ZYX: variants seen among roughly 807,000 people sequenced by gnomAD.
ZYX encodes the protein zyxin-2.
In ZYX, 37 loss-of-function variants were observed where a neutral mutation model predicts 58.1. That is an observed-to-expected ratio of 0.64 (90% confidence interval 0.49 to 0.84). The LOEUF (loss-of-function observed/expected upper bound fraction) is 0.84, where lower values mean the gene tolerates loss of function less well. ZYX is among the 40% of genes least tolerant of loss of function. The pLI is 0.00. For missense variants in ZYX, 762 were observed against 761.6 expected, an observed-to-expected ratio of 1.00 and a Z score of -0.01; for synonymous variants, 324 against 321.1, an observed-to-expected ratio of 1.01 and a Z score of -0.10.
At position 143,390,545 on chromosome 7, in the gene ZYX, G is replaced by A. The variant is rs201334859; in HGVS notation, c.1615-33G>A. The A allele has an allele frequency of 7.8e-5, 116 of 1,494,312 alleles. 1 individual carries two copies. In the African/African-American group the frequency reaches 1.1e-3, roughly 14 times the overall value. The allele number at this position is 1,494,312 out of a possible 1,614,324, so 92.6% of individuals were successfully genotyped here. On this transcript the variant is annotated intron_variant, in intron 9 of 9. Transcript: ENST00000322764. This position sits in a 1 kb window ranked among gnomAD's most constrained non-coding sequence, Gnocchi z 4.3. ...GGGTGGAGCAGAGCAGGGGCCTTCC[G>A]GTCCAGTGCCCCTCACCCTTCCTTC...
At chr7:143,386,387 G>C (rs1045315838) in intron 5 of ZYX, among the ~76,000 whole-genome samples, 6 of 152,062 alleles carry the variant, frequency 3.9e-5, no homozygotes, top group Non-Finnish European at 7.4e-5. Context: ...TGGGAGGTGA[G>C]GTCACGGTGC....
Position 143,390,955 on chromosome 7 carries a change from C to T in ZYX, c.*273C>T. 1 of 477,726 alleles carries T rather than the reference C, an allele frequency of 2.1e-6. No homozygotes were observed. Among genetic ancestry groups the T allele is most frequent in the Non-Finnish European group, 3.8e-6 (1 of 262,338 alleles). 29.6% of individuals were successfully genotyped at this position (477,726 alleles called of 1,614,324 possible). A position where few individuals can be genotyped will look rare whatever the true frequency, so the allele number is the denominator to read the frequency against. ...GGGGGCACCAGGTTTAGTGCTGCTGCTTTCACTGCTGCACCCGCGCCCTCG... is the reference window on the plus strand; with the variant it reads ...GGGGGCACCAGGTTTAGTGCTGCTGTTTTCACTGCTGCACCCGCGCCCTCG... On this transcript the variant is annotated 3_prime_UTR_variant, in exon 10 of 10. Coordinates refer to ENST00000322764, the MANE Select transcript of ZYX (RefSeq NM_003461.5). The surrounding 1 kb of genome is among the most constrained non-coding windows in gnomAD (Gnocchi z 4.3).
At position 143,381,746 on chromosome 7, in the gene ZYX, C is replaced by T. The variant is rs771207464; in HGVS notation, c.175C>T (p.Arg59Trp). The T allele has an allele frequency of 4.4e-6, 7 of 1,588,834 alleles. No individual in the cohort carries two copies. The highest frequency in any genetic ancestry group is 6.0e-6 in the Non-Finnish European group (7 of 1,167,786). ...APGAQRAQMG[R>W]VGEIPPPPPE... is the part of the protein sequence containing the mutation. ...CGGGGCCCAGCGCGCACAGATGGGC[C>T]GGGTGGGCGAGATTCCCCCGCCGCC... The change falls in exon 2 of 10, where the codon CGG (arginine) becomes TGG (tryptophan). Residue 59 changes from arginine to tryptophan, a missense_variant. Transcript: ENST00000322764.
In ZYX at chr7:143,381,705, A is replaced by G; in HGVS notation, c.134A>G (p.Glu45Gly). The G allele has an allele frequency of 6.2e-7, 1 of 1,604,472 alleles. No individual in the cohort carries two copies. Among genetic ancestry groups the G allele is most frequent in the Non-Finnish European group, 8.5e-7 (1 of 1,176,066 alleles). Residue 45 changes from glutamate to glycine, a missense_variant, in exon 2 of 10, where the codon GAG (glutamate) becomes GGG (glycine). Physicochemically the swap from Glu to Gly is moderately conservative, Grantham distance 98. Coordinates refer to ENST00000322764, the MANE Select transcript of ZYX (RefSeq NM_003461.5). ...AATCCCTTCCGGCCCGGGGACAGCGAGCCTCCCCCGGCACCCGGGGCCCAG... is the reference window on the plus strand; with the variant it reads ...AATCCCTTCCGGCCCGGGGACAGCGGGCCTCCCCCGGCACCCGGGGCCCAG... ...KVNPFRPGDS[E>G]PPPAPGAQRA...
intron 5 of ZYX, among the ~76,000 whole-genome samples, chr7:143,383,593 G>A (rs1451353827): frequency 1.3e-5 from 2 of 152,188 alleles, no homozygotes; most frequent in African/African-American, 4.8e-5. Context: ...AGGAGGATCT[G>A]GTGGACCTTT....
intron 5 of ZYX, 61 bp downstream of exon 5, chr7:143,383,383 A>C (rs1380880496): frequency 2.6e-6 from 4 of 1,522,724 alleles, no homozygotes; most frequent in African/African-American, 1.4e-5. Flanking sequence ...CTGGGTCAGG[A>C]GCCAGAGCAT....
chr7:143,383,025 C>G lies in ZYX; in HGVS notation c.726C>G (p.Thr242=). The part of the protein sequence containing the change: ...PQVQLHVQSQ[T]QPVSLANTQP... Reference sequence around the variant, plus strand: ...TCCAACTCCATGTCCAGTCCCAGACCCAGCCTGTGTCTTTGGCTAACACCC... The same window carrying G: ...TCCAACTCCATGTCCAGTCCCAGACGCAGCCTGTGTCTTTGGCTAACACCC... Residue 242 remains threonine, a synonymous_variant, in exon 5 of 10, where the codon ACC becomes ACG. Transcript: ENST00000322764. 6.2e-7 allele frequency: 1 copy of G among 1,614,052 alleles called. No individual in the cohort carries two copies. Among genetic ancestry groups the G allele is most frequent in the Non-Finnish European group, 8.5e-7 (1 of 1,179,960 alleles).
Position 143,389,977 on chromosome 7 carries a change from G to C in ZYX, c.1614G>C (p.Glu538Asp). Residue 538 changes from glutamate to aspartate, a missense_variant and splice_region_variant, in exon 9 of 10, where the codon GAG becomes GAC. Physicochemically the swap from Glu to Asp is conservative, Grantham distance 45 (BLOSUM62 2). Transcript: ENST00000322764. This position sits in a 1 kb window ranked among gnomAD's most constrained non-coding sequence, Gnocchi z 5.6. Reference sequence around the variant, plus strand: ...TCCACATGAAGTGTTACAAGTGTGAGGTCAGCCATCCCTCTGGACTCCTTG... The same window carrying C: ...TCCACATGAAGTGTTACAAGTGTGACGTCAGCCATCCCTCTGGACTCCTTG... The part of the protein sequence containing the change: ...KNFHMKCYKC[E>D]DCGKPLSIEA... 2 of 1,613,952 alleles carry C rather than the reference G, an allele frequency of 1.2e-6. No individual in the cohort carries two copies. Among genetic ancestry groups the C allele is most frequent in the Non-Finnish European group, 1.7e-6 (2 of 1,179,912 alleles).
intron 5 of ZYX, among the ~76,000 whole-genome samples, chr7:143,386,524 G>T (rs1158722547): frequency 2.0e-5 from 3 of 152,094 alleles, no homozygotes; most frequent in African/African-American, 7.2e-5. Context: ...AGTGTTCAGT[G>T]ATCTCTCCAC....
intron 4 of ZYX, 40 bp from the exon 5 acceptor site, chr7:143,382,761 C>T (rs188630908): frequency 4.4e-4 from 712 of 1,611,946 alleles, no homozygotes; most frequent in Non-Finnish European, 5.6e-4. Flanking sequence ...GGATGGTGTC[C>T]TCCTGACTGC....
chr7:143,385,600 A>T (rs1160303576), intron 5 of ZYX, among the ~76,000 whole-genome samples: 1 of 149,872 alleles, frequency 6.7e-6, no homozygotes, highest in East Asian at 2.0e-4. Context: ...TTACAAATAC[A>T]CACAAGTGGC....
At position 143,382,672 on chromosome 7, in the gene ZYX, C is replaced by T. The variant is rs1166260058; in HGVS notation, c.488C>T (p.Pro163Leu). The change falls in exon 4 of 10, where the codon CCT (proline) becomes CTT (leucine). Residue 163 changes from proline (P) to leucine (L), a missense_variant. Pro to Leu is a moderately conservative substitution (Grantham distance 98, BLOSUM62 -3). Transcript: ENST00000322764. ...CTGGATGACATGACCAAGAATGATC[C>T]TTTCAAAGCCCGGGTAAGGGACCGG... is the stretch of plus-strand genomic sequence containing the variant. Reference protein sequence around the residue: ...SLLDDMTKNDPFKARVSSGYV... With the variant: ...SLLDDMTKNDLFKARVSSGYV... 1 of 1,613,968 alleles carries T rather than the reference C, an allele frequency of 6.2e-7. No homozygotes were observed. Among genetic ancestry groups the T allele is most frequent in the African/African-American group, 1.3e-5 (1 of 74,882 alleles).
At position 143,389,701 on chromosome 7, in the gene ZYX, A is replaced by G. The variant is rs1054066844; in HGVS notation, c.1494-156A>G. Among the ~76,000 whole-genome samples the G allele has an allele frequency of 6.6e-5, 10 of 152,176 alleles. No individual in the cohort carries two copies. The highest frequency in any genetic ancestry group is 2.4e-4 in the African/African-American group (10 of 41,426). The stretch of plus-strand genomic sequence containing the variant: ...AAATTCCCTTTGATGAGGGCCAGTC[A>G]TGGTGTCTCACTCTTAGGCCCTTCT... On this transcript the variant is annotated intron_variant, in intron 8 of 9. Transcript: ENST00000322764. The surrounding 1 kb of genome is among the most constrained non-coding windows in gnomAD (Gnocchi z 5.6).
In ZYX at chr7:143,381,711, C is replaced by A; in HGVS notation, c.140C>A (p.Pro47His). 1.2e-6 allele frequency: 2 copies of A among 1,603,366 alleles called. No homozygotes were observed. The highest frequency in any genetic ancestry group is 8.5e-7 in the Non-Finnish European group (1 of 1,175,486). ...TTCCGGCCCGGGGACAGCGAGCCTCCCCCGGCACCCGGGGCCCAGCGCGCA... is the reference window on the plus strand; with the variant it reads ...TTCCGGCCCGGGGACAGCGAGCCTCACCCGGCACCCGGGGCCCAGCGCGCA... ...NPFRPGDSEP[P>H]PAPGAQRAQM... Residue 47 changes from proline (P) to histidine (H), a missense_variant, in exon 2 of 10, where the codon CCC becomes CAC. Transcript: ENST00000322764.
Position 143,390,976 on chromosome 7 carries a change from C to A in ZYX, c.*294C>A. The A allele has an allele frequency of 2.4e-6, 1 of 419,120 alleles. No individual in the cohort carries two copies. Among genetic ancestry groups the A allele is most frequent in the Non-Finnish European group, 4.4e-6 (1 of 228,156 alleles). The allele number at this position is 419,120 out of a possible 1,614,324, so 26.0% of individuals were successfully genotyped here. On this transcript the variant is annotated 3_prime_UTR_variant, in exon 10 of 10. Transcript: ENST00000322764. The surrounding 1 kb of genome is among the most constrained non-coding windows in gnomAD (Gnocchi z 4.3). ...GCTGCTTTCACTGCTGCACCCGCGC[C>A]CTCGGCCGGCCCCCCGAGCAGCCTT...
intron 5 of ZYX, among the ~76,000 whole-genome samples, chr7:143,383,823 G>A (rs1804759806): frequency 6.6e-6 from 1 of 152,226 alleles, no homozygotes; most frequent in Non-Finnish European, 1.5e-5. Flanking sequence ...TAGGACATGG[G>A]AGGGAAGAGA....
Position 143,383,113 on chromosome 7 carries a change from A to C in ZYX, c.814A>C (p.Lys272Gln). Residue 272 changes from lysine to glutamine, a missense_variant, in exon 5 of 10, where the codon AAG (lysine) becomes CAG (glutamine). By Grantham distance (53) the Lys-to-Gln change is moderately conservative. Transcript: ENST00000322764. The part of the protein sequence containing the change: ...PAPKFSPVTP[K>Q]FTPVASKFSP... ...CCCTAAGTTTTCTCCAGTGACTCCT[A>C]AGTTTACTCCTGTGGCTTCCAAGTT... 2 of 1,614,070 alleles carry C rather than the reference A, an allele frequency of 1.2e-6. No homozygotes were observed. The highest frequency in any genetic ancestry group is 1.6e-4 in the Middle Eastern group (1 of 6,062).
intron 5 of ZYX, chr7:143,383,983 T>G (rs761789502): frequency 1.2e-5 from 4 of 328,510 alleles, no homozygotes; most frequent in Non-Finnish European, 2.4e-5. Flanking sequence ...ATACAGTGGT[T>G]GTGAAGATTG....
At chr7:143,385,327 G>T (rs1202708014) in intron 5 of ZYX, among the ~76,000 whole-genome samples, 4 of 151,994 alleles carry the variant, frequency 2.6e-5, no homozygotes, top group African/African-American at 9.7e-5. Context: ...GTGTGTGTGT[G>T]TGTATATATA....
Sources: gnomAD v4.1 joint callset for allele counts (sites outside exome capture counted in the v4.1 genomes callset) on GRCh38, gnomAD v4.1.1 for gene constraint, Gnocchi (gnomAD v3.1) non-coding constraint, MANE v1.5 for transcripts, NCBI Gene and HGNC (gene_info 2026-07-23, HGNC 2026-07-21) for gene names.